The following INPP5D variants were observed in gnomAD, a reference collection of about 807,000 sequenced individuals.
INPP5D encodes the protein phosphatidylinositol 3,4,5-trisphosphate 5-phosphatase 1.
INPP5D carries 33 observed loss-of-function variants against 122.9 expected under a neutral mutation model. That is an observed-to-expected ratio of 0.27 (90% confidence interval 0.20 to 0.36). The LOEUF (loss-of-function observed/expected upper bound fraction) is 0.36, where lower values mean the gene tolerates loss of function less well. INPP5D is among the 10% of genes least tolerant of loss of function. The pLI is 1.00. For synonymous variants in INPP5D, 584 were observed against 576.2 expected (o/e 1.01, Z -0.19); for missense variants, 1,053 against 1,412.7 (o/e 0.75, Z 4.08).
chr2:233,169,602 A>G, intron 14 of INPP5D: 1 of 755,882 alleles, frequency 1.3e-6, no homozygotes, highest in African/African-American at 1.8e-5. Context: ...ATTTTGTCTG[A>G]AGGTCAGAAA....
rs1008218599 is a variant in INPP5D, at chr2:233,188,598, G to A, written c.2359-1252G>A. Among the ~76,000 whole-genome samples the A allele has an allele frequency of 6.6e-6, 1 of 152,168 alleles. No individual in the cohort carries two copies. The highest frequency in any genetic ancestry group is 1.5e-5 in the Non-Finnish European group (1 of 68,028). On this transcript the variant is annotated intron_variant, in intron 21 of 26. Transcript: ENST00000445964. This position sits in a 1 kb window ranked among gnomAD's most constrained non-coding sequence, Gnocchi z 4.7. Reference sequence around the variant, plus strand: ...TTTTTTTGAGACTGAGTCTTGTTCTGTTGCCCAGGCTGGAGTGCAGTGGTG... The same window carrying A: ...TTTTTTTGAGACTGAGTCTTGTTCTATTGCCCAGGCTGGAGTGCAGTGGTG...
Position 233,189,778 on chromosome 2 carries a change from A to T in INPP5D, c.2359-72A>T. Reference sequence around the variant, plus strand: ...AGAACACCTTTCGTCATCTTCATCCACTTGTCCACCCACCTGTCCCCTCAC... The same window carrying T: ...AGAACACCTTTCGTCATCTTCATCCTCTTGTCCACCCACCTGTCCCCTCAC... On this transcript the variant is annotated intron_variant, in intron 21 of 26. Coordinates refer to ENST00000445964, the MANE Select transcript of INPP5D (RefSeq NM_001017915.3). This position sits in a 1 kb window ranked among gnomAD's most constrained non-coding sequence, Gnocchi z 5.6. The T allele has an allele frequency of 1.3e-6, 2 of 1,573,760 alleles. No homozygotes were observed. Among genetic ancestry groups the T allele is most frequent in the South Asian group, 1.2e-5 (1 of 85,334 alleles).
intron 1 of INPP5D, among the ~76,000 whole-genome samples, chr2:233,073,866 G>A (rs1051037739): frequency 5.3e-5 from 8 of 151,808 alleles, no homozygotes; most frequent in African/African-American, 1.7e-4. Flanking sequence ...GACTCTAAAC[G>A]TCCCGGCTGT....
At chr2:233,111,007 C>T (rs980692530) in intron 2 of INPP5D, among the ~76,000 whole-genome samples, 2 of 151,980 alleles carry the variant, frequency 1.3e-5, no homozygotes, top group Non-Finnish European at 2.9e-5. Flanking sequence ...AGAACATTTT[C>T]AAGAACGGTA....
At chr2:233,088,044 C>T (rs921397088) in intron 2 of INPP5D, among the ~76,000 whole-genome samples, 3 of 152,078 alleles carry the variant, frequency 2.0e-5, no homozygotes, top group South Asian at 2.1e-4. Flanking sequence ...GGCAAGATCT[C>T]GGCTCACTGC....
At chr2:233,070,833 A>T (rs1224870512) in intron 1 of INPP5D, among the ~76,000 whole-genome samples, 1 of 152,232 alleles carries the variant, frequency 6.6e-6, no homozygotes, top group Non-Finnish European at 1.5e-5. Context: ...TGTGGGGCAG[A>T]TTGGATGGAA....
At position 233,068,010 on chromosome 2, in the gene INPP5D, G is replaced by A. The variant is rs1159036606; in HGVS notation, c.134+7398G>A. Among the ~76,000 whole-genome samples, 3 of 152,196 alleles carry A rather than the reference G, an allele frequency of 2.0e-5. No homozygotes were observed. In the East Asian group the frequency reaches 5.8e-4, roughly 29 times the overall value. On this transcript the variant is annotated intron_variant, in intron 1 of 26. Coordinates refer to ENST00000445964, the MANE Select transcript of INPP5D (RefSeq NM_001017915.3). ...CACATAAAAATCATGCTGGTGCTGG[G>A]CAAGGTGGCTCATGCCTGTAATCCC...
At chr2:233,198,639 A>C (rs572021147) in intron 25 of INPP5D, among the ~76,000 whole-genome samples, 1 of 152,324 alleles carries the variant, frequency 6.6e-6, no homozygotes, top group South Asian at 2.1e-4. Flanking sequence ...CTCCTATAAA[A>C]ACTATATACA....
chr2:233,198,429 G>GA (rs1695242990), intron 25 of INPP5D, 53 bp downstream of exon 25: 1 of 1,546,734 alleles, frequency 6.5e-7, no homozygotes, highest in East Asian at 2.3e-5. Context: ...AAAGCGCCCT[G>GA]GGCTTTGGGC....
At chr2:233,085,588 G>A (rs1038093084) in intron 2 of INPP5D, among the ~76,000 whole-genome samples, 1 of 152,006 alleles carries the variant, frequency 6.6e-6, no homozygotes, top group African/African-American at 2.4e-5. Flanking sequence ...TGCAAACTCT[G>A]TTCTTTGACA....
chr2:233,094,919 C>T (rs1159532891), intron 2 of INPP5D, among the ~76,000 whole-genome samples: 1 of 152,140 alleles, frequency 6.6e-6, no homozygotes, highest in African/African-American at 2.4e-5. Flanking sequence ...GTTCTCCCAC[C>T]CCTAATTTGT....
intron 13 of INPP5D, among the ~76,000 whole-genome samples, chr2:233,167,487 G>A (rs1173282440): frequency 6.6e-6 from 1 of 152,204 alleles, no homozygotes; most frequent in East Asian, 1.9e-4. Context: ...ATAAGAATGT[G>A]GTGGGCAGGG....
rs564249256 is a variant in INPP5D at position 233,096,426 on chromosome 2, C to T, written c.198+17028C>T. 3.9e-5 allele frequency among the ~76,000 whole-genome samples: 6 copies of T among 152,024 alleles called. 1 individual carries two copies. Among genetic ancestry groups the T allele is most frequent in the Non-Finnish European group, 7.4e-5 (5 of 67,986 alleles). ...CAGCACTTTGGAAGGCAGAGCTGGGCGGATCACCAGAGGTCAGAAGTTCGA... is the reference window on the plus strand; with the variant it reads ...CAGCACTTTGGAAGGCAGAGCTGGGTGGATCACCAGAGGTCAGAAGTTCGA... On this transcript the variant is annotated intron_variant, in intron 2 of 26. Coordinates refer to ENST00000445964, the MANE Select transcript of INPP5D (RefSeq NM_001017915.3).
intron 23 of INPP5D, 62 bp downstream of exon 23, chr2:233,194,023 T>C: frequency 6.7e-7 from 1 of 1,494,338 alleles, no homozygotes; most frequent in Non-Finnish European, 8.9e-7. Flanking sequence ...GGGAACGTGC[T>C]TTCTCTCAGC....
At chr2:233,084,538 T>C (rs970001452) in intron 2 of INPP5D, among the ~76,000 whole-genome samples, 4 of 152,224 alleles carry the variant, frequency 2.6e-5, no homozygotes, top group Non-Finnish European at 4.4e-5. Context: ...GTCACGTATC[T>C]CCGGGCGACA....
In INPP5D at chr2:233,160,102, A is replaced by G. The variant is rs2106291996; in HGVS notation, c.1138-1622A>G. ...GGCACAGGGATAAATGGAGGCCATG[A>G]ATCTTGAGCCACTCCCAACTCGAGG... On this transcript the variant is annotated intron_variant, in intron 10 of 26. Transcript: ENST00000445964. This position sits in a 1 kb window ranked among gnomAD's most constrained non-coding sequence, Gnocchi z 4.2. Among the ~76,000 whole-genome samples, 1 of 152,300 alleles carries G rather than the reference A, an allele frequency of 6.6e-6. No homozygotes were observed. Among genetic ancestry groups the G allele is most frequent in the Non-Finnish European group, 1.5e-5 (1 of 68,026 alleles).
Position 233,163,783 on chromosome 2 carries a change from G to C in INPP5D, c.1317G>C (p.Ala439=), listed in dbSNP as rs531976699. 144 of 1,613,904 alleles carry C rather than the reference G, an allele frequency of 8.9e-5. No individual in the cohort carries two copies. The East Asian group carries it at 2.7e-3, about 30-fold the overall frequency. ...KGQGKTRDDS[A]DYIPHDIYVI... ...AGGGAAAGACGCGGGACGACTCTGCGGACTACATCCCCCATGACATTTACG... is the reference window on the plus strand; with the variant it reads ...AGGGAAAGACGCGGGACGACTCTGCCGACTACATCCCCCATGACATTTACG... The change falls in exon 12 of 27, where the codon GCG becomes GCC. Residue 439 remains alanine (A), a synonymous_variant. Coordinates refer to ENST00000445964, the MANE Select transcript of INPP5D (RefSeq NM_001017915.3).
At chr2:233,154,414 G>A (rs1399662565) in intron 9 of INPP5D, among the ~76,000 whole-genome samples, 1 of 152,186 alleles carries the variant, frequency 6.6e-6, no homozygotes, top group African/African-American at 2.4e-5. Flanking sequence ...CTCCCAAAGT[G>A]CTGGTGTTCC....
chr2:233,163,961 G>T, intron 12 of INPP5D, 58 bp downstream of exon 12: 2 of 1,582,728 alleles, frequency 1.3e-6, no homozygotes, highest in Non-Finnish European at 8.6e-7. Context: ...GCTCGGCTGG[G>T]CTGTCTCAGA....
Sources: gnomAD v4.1 joint callset for allele counts (sites outside exome capture counted in the v4.1 genomes callset) on GRCh38, gnomAD v4.1.1 for gene constraint, Gnocchi (gnomAD v3.1) non-coding constraint, MANE v1.5 for transcripts, NCBI Gene and HGNC (gene_info 2026-07-23, HGNC 2026-07-21) for gene names.